The following PSD3 variants were observed in gnomAD, a reference collection of about 807,000 sequenced individuals.
PSD3 encodes the protein PH and SEC7 domain-containing protein 3.
A neutral mutation model predicts 105.5 loss-of-function variants in PSD3; 49 were observed. The observed-to-expected ratio is 0.46, with a 90% CI of 0.37 to 0.59. The LOEUF (loss-of-function observed/expected upper bound fraction) is 0.59. PSD3 is among the 20% of genes least tolerant of loss of function. The pLI is 0.00. For missense variants in PSD3, 1,561 were observed against 1,263.8 expected, an observed-to-expected ratio of 1.24 and a Z score of -3.57; for synonymous variants, 557 against 457.8, an observed-to-expected ratio of 1.22 and a Z score of -2.77.
At position 18,716,567 on chromosome 8, in the gene PSD3, G is replaced by A. The variant is rs184746619; in HGVS notation, c.2172+48882C>T. On this transcript the variant is annotated intron_variant, in intron 9 of 15. Coordinates refer to ENST00000327040, the MANE Select transcript of PSD3 (RefSeq NM_015310.4). ...TGGGAGAGGAAATAATGAGAGATGA[G>A]GCAGGGAGGGTATTCAAGACCCAGT... Among the ~76,000 whole-genome samples, 55 of 152,234 alleles carry A rather than the reference G, an allele frequency of 3.6e-4. No homozygotes were observed. In the East Asian group the frequency reaches 9.9e-3, roughly 27 times the overall value.
chr8:18,761,265 G>A (rs1307834412), intron 9 of PSD3, among the ~76,000 whole-genome samples: 9 of 152,254 alleles, frequency 5.9e-5, no homozygotes, highest in African/African-American at 2.2e-4. Flanking sequence ...TGTATCTTTG[G>A]AAAGCAGCAA....
intron 12 of PSD3, among the ~76,000 whole-genome samples, chr8:18,580,846 C>A (rs1393918095): frequency 6.6e-6 from 1 of 152,142 alleles, no homozygotes; most frequent in Non-Finnish European, 1.5e-5. Flanking sequence ...CTACAATAAT[C>A]AAGAGGTGAA....
chr8:18,714,052 T>C (rs1448267141), intron 9 of PSD3, among the ~76,000 whole-genome samples: 2 of 152,154 alleles, frequency 1.3e-5, no homozygotes, highest in East Asian at 1.9e-4. Context: ...ATTTAATAAA[T>C]AGTGTTGTGA....
chr8:18,900,341 A>G (rs1265118735), intron 2 of PSD3, among the ~76,000 whole-genome samples: 1 of 152,142 alleles, frequency 6.6e-6, no homozygotes, highest in Non-Finnish European at 1.5e-5. Context: ...AAAAAAGTTC[A>G]AGGTTTTGTG....
chr8:19,016,185 G>T (rs1383646931), upstream of PSD3, among the ~76,000 whole-genome samples: 3 of 152,196 alleles, frequency 2.0e-5, no homozygotes, highest in African/African-American at 7.2e-5. Flanking sequence ...CTCAAGTTCA[G>T]TGTCAGAATA....
At chr8:18,985,664 A>G (rs1270344974) in intron 1 of PSD3, among the ~76,000 whole-genome samples, 1 of 152,170 alleles carries the variant, frequency 6.6e-6, no homozygotes, top group Admixed American at 6.5e-5. Context: ...ACATACTCCT[A>G]AAAATAGCAT....
intron 15 of PSD3, among the ~76,000 whole-genome samples, chr8:18,546,369 T>C (rs778128468): frequency 3.2e-4 from 49 of 152,134 alleles, no homozygotes; most frequent in Non-Finnish European, 6.5e-4. Flanking sequence ...TAAGTAGTCA[T>C]CTTACCAGTC....
chr8:19,039,741 C>G (rs975864730), intron 1 of PSD3, among the ~76,000 whole-genome samples: 3 of 152,154 alleles, frequency 2.0e-5, no homozygotes, highest in Admixed American at 2.0e-4. Flanking sequence ...GAGAGTTTTT[C>G]TAATAATTAA....
intron 8 of PSD3, among the ~76,000 whole-genome samples, chr8:18,788,045 C>T (rs768363811): frequency 1.5e-4 from 23 of 152,138 alleles, no homozygotes; most frequent in Non-Finnish European, 2.9e-4. Context: ...TGGCTATTTA[C>T]GATAACACTG....
intron 1 of PSD3, among the ~76,000 whole-genome samples, chr8:18,948,775 A>G (rs1823017600): frequency 6.6e-6 from 1 of 152,164 alleles, no homozygotes; most frequent in African/African-American, 2.4e-5. Context: ...AAACAAAGTG[A>G]AATCCACTCT....
chr8:18,773,108 T>C (rs1006175412), intron 8 of PSD3, among the ~76,000 whole-genome samples: 1 of 152,204 alleles, frequency 6.6e-6, no homozygotes, highest in Admixed American at 6.5e-5. Context: ...AATAACGTGA[T>C]GTTTTTCCCC....
chr8:18,848,657 G>A (rs1166732982), intron 4 of PSD3, among the ~76,000 whole-genome samples: 1 of 151,822 alleles, frequency 6.6e-6, no homozygotes, highest in African/African-American at 2.4e-5. Context: ...TATGTGTAGT[G>A]GTGGGTGCCT....
At chr8:18,889,371 G>A (rs1818641911) in intron 2 of PSD3, among the ~76,000 whole-genome samples, 1 of 152,020 alleles carries the variant, frequency 6.6e-6, no homozygotes, top group Non-Finnish European at 1.5e-5. Context: ...CCTAGAGACA[G>A]AAAACACCCC....
Position 18,820,161 on chromosome 8 carries a change from C to T in PSD3, c.1635-15263G>A, listed in dbSNP as rs536443882. Among the ~76,000 whole-genome samples the T allele has an allele frequency of 1.2e-3, 124 of 107,536 alleles. 2 individuals carry two copies. The South Asian group carries it at 0.037, about 32-fold the overall frequency. 70.5% of individuals were successfully genotyped at this position (107,536 alleles called of 152,430 possible). ...GCACTGTGTCATAGTTAATTGCTGG[C>T]ATTTTTTTCCTTTTTTTTTTTTTTT... On this transcript the variant is annotated intron_variant, in intron 4 of 15. Transcript: ENST00000327040.
intron 9 of PSD3, among the ~76,000 whole-genome samples, chr8:18,756,534 G>A (rs1479893378): frequency 7.2e-6 from 1 of 139,300 alleles, no homozygotes; most frequent in African/African-American, 3.0e-5. Flanking sequence ...TTAGAAATGC[G>A]ATTTGGATTC....
intron 9 of PSD3, among the ~76,000 whole-genome samples, chr8:18,750,008 C>A (rs1805342214): frequency 6.6e-6 from 1 of 152,168 alleles, no homozygotes; most frequent in Non-Finnish European, 1.5e-5. Context: ...GAAAAACCAG[C>A]CAAGCAAACC....
intron 4 of PSD3, among the ~76,000 whole-genome samples, chr8:18,851,946 G>A (rs1480496852): frequency 1.3e-5 from 2 of 152,114 alleles, no homozygotes; most frequent in African/African-American, 4.8e-5. Context: ...AACCCATAAG[G>A]ATGACAGTCT....
At chr8:18,850,355 G>A (rs1166161595) in intron 4 of PSD3, among the ~76,000 whole-genome samples, 1 of 152,196 alleles carries the variant, frequency 6.6e-6, no homozygotes, top group Non-Finnish European at 1.5e-5. Flanking sequence ...GGTACTCACA[G>A]CTCCTATAAC....
intron 1 of PSD3, among the ~76,000 whole-genome samples, chr8:19,003,336 G>C (rs766684092): frequency 2.6e-5 from 4 of 151,760 alleles, no homozygotes; most frequent in Non-Finnish European, 5.9e-5. Context: ...GCGCCTGGGA[G>C]TAGTCACTAC....
Sources: allele counts gnomAD v4.1 joint callset (sites outside exome capture counted in the v4.1 genomes callset), GRCh38; gene constraint gnomAD v4.1.1; transcripts MANE v1.5; gene names NCBI Gene and HGNC (gene_info 2026-07-23, HGNC 2026-07-21).